Variants in SCARF2 observed in about 807,000 individuals in gnomAD.
SCARF2 encodes scavenger receptor class F member 2.
SCARF2 carries 39 observed loss-of-function variants against 73.4 expected under a neutral mutation model. The ratio of observed to expected loss-of-function variants is 0.53; its 90% CI spans 0.41 to 0.69. The LOEUF is 0.69. Ranked by LOEUF, SCARF2 falls within the 30% of genes least tolerant of loss-of-function variation. The pLI is 0.00. For missense variants in SCARF2, 1,148 were observed against 1,303.5 expected (o/e 0.88, Z 1.84); for synonymous variants, 605 against 590.0 (o/e 1.03, Z -0.37).
Position 20,430,531 on chromosome 22 carries a change from G to A in SCARF2, c.1100C>T (p.Thr367Ile). ...CACGAAGGCGCAGTCCTCGCCGTAA[G>A]TGCCATTGCTACACTTGGTCTCGCA... ...DRCETKCSNG[T>I]YGEDCAFVCA... Residue 367 changes from threonine to isoleucine, a missense_variant, in exon 6 of 11, where the codon ACT becomes ATT. Physicochemically the swap from Thr to Ile is moderately conservative, Grantham distance 89. Around this residue, in one of 5 missense-constraint regions of SCARF2, gnomAD observed 372 missense variants for 532.0 expected, o/e 0.70. Transcript: ENST00000622235. 2 of 1,610,234 alleles carry A rather than the reference G, an allele frequency of 1.2e-6. No individual in the cohort carries two copies. The highest frequency in any genetic ancestry group is 1.7e-6 in the Non-Finnish European group (2 of 1,178,680).
chr22:20,431,764 G>T lies in SCARF2; in HGVS notation c.315C>A (p.Phe105Leu). 1 of 1,569,390 alleles carries T rather than the reference G, an allele frequency of 6.4e-7. No homozygotes were observed. The highest frequency in any genetic ancestry group is 8.6e-7 in the Non-Finnish European group (1 of 1,157,774). The change falls in exon 3 of 11, where the codon TTC (phenylalanine) becomes TTA (leucine). Residue 105 changes from phenylalanine (F) to leucine (L), a missense_variant. Physicochemically the swap from Phe to Leu is conservative, Grantham distance 22. Around this residue, in one of 5 missense-constraint regions of SCARF2, gnomAD observed 372 missense variants for 532.0 expected, o/e 0.70. Transcript: ENST00000622235. ...PGECRCRHGY[F>L]GANCDTKCPR... ...GCTCACTGGTGTCGCAGTTGGCACC[G>T]AAGTAGCCGTGGCGGCAGCGGCACT...
Position 20,431,331 on chromosome 22 carries a change from A to G in SCARF2, c.541T>C (p.Cys181Arg). 1 of 1,505,950 alleles carries G rather than the reference A, an allele frequency of 6.6e-7. No individual in the cohort carries two copies. The highest frequency in any genetic ancestry group is 8.8e-7 in the Non-Finnish European group (1 of 1,135,298). 93.3% of individuals were successfully genotyped at this position (1,505,950 alleles called of 1,614,324 possible). A position where few individuals can be genotyped will look rare whatever the true frequency, so the allele number is the denominator to read the frequency against. The change falls in exon 4 of 11, where the codon TGC becomes CGC. Residue 181 changes from cysteine (C) to arginine (R), a missense_variant. Around this residue, in one of 5 missense-constraint regions of SCARF2, gnomAD observed 372 missense variants for 532.0 expected, o/e 0.70. Transcript: ENST00000622235. ...GCGCTGCAGTAGCACGCGCTGGCGC[A>G]CTGCGCGCCCCACCAGCCGGGCTCA... ...RCEPGWWGAQ[C>R]ASACYCSATS...
In SCARF2 at chr22:20,431,356, A is replaced by G. The variant is rs773641193; in HGVS notation, c.516T>C (p.Cys172=). ...TCHPRSGACR[C]EPGWWGAQCA... ...ACTGCGCGCCCCACCAGCCGGGCTC[A>G]CAGCGGCACGCGCCGCTCCGCGGGT... Residue 172 remains cysteine, a synonymous_variant, in exon 4 of 11, where the codon TGT becomes TGC. Coordinates refer to ENST00000622235, the MANE Select transcript of SCARF2 (RefSeq NM_182895.5). 1.3e-6 allele frequency: 2 copies of G among 1,513,164 alleles called. No individual in the cohort carries two copies. Among genetic ancestry groups the G allele is most frequent in the South Asian group, 2.4e-5 (2 of 81,874 alleles). The allele number at this position is 1,513,164 out of a possible 1,614,324, so 93.7% of individuals were successfully genotyped here.
Position 20,429,881 on chromosome 22 carries a change from G to T in SCARF2, c.1203-48C>A, listed in dbSNP as rs1569108377. ...CATGCCACAGCCGCCCCCCTAGGAT[G>T]CCCCCTACCCTCACCCCTCACCCGC... On this transcript the variant is annotated intron_variant, in intron 6 of 10. Transcript: ENST00000622235. The surrounding 1 kb of genome is among the most constrained non-coding windows in gnomAD (Gnocchi z 5.2). The T allele has an allele frequency of 3.8e-6, 6 of 1,577,876 alleles. No individual in the cohort carries two copies. The South Asian group carries it at 6.7e-5, about 18-fold the overall frequency.
intron 1 of SCARF2, among the ~76,000 whole-genome samples, chr22:20,435,683 C>T (rs1014660517): frequency 2.6e-5 from 4 of 152,174 alleles, no homozygotes; most frequent in Non-Finnish European, 1.5e-5. Context: ...GGCCTGTGCT[C>T]ACTCACCACC....
intron 1 of SCARF2, among the ~76,000 whole-genome samples, chr22:20,437,219 A>C (rs577547763): frequency 5.0e-4 from 76 of 152,300 alleles, no homozygotes; most frequent in Admixed American, 2.2e-3. Flanking sequence ...GCGGGGCTTT[A>C]GCACATGCAG....
intron 1 of SCARF2, 44 bp from the exon 2 acceptor site, chr22:20,432,032 A>G: frequency 6.3e-7 from 1 of 1,575,086 alleles, no homozygotes; most frequent in Non-Finnish European, 8.6e-7. Flanking sequence ...CCCCTCCCCC[A>G]GCCCCCATCT....
chr22:20,434,313 GGA>G (rs372948448), intron 1 of SCARF2, among the ~76,000 whole-genome samples: 4 of 152,042 alleles, frequency 2.6e-5, no homozygotes, highest in East Asian at 1.9e-4. Flanking sequence ...GATAGAGATA[GGA>G]GAGAGAGAGA....
intron 1 of SCARF2, 60 bp from the exon 2 acceptor site, chr22:20,432,048 G>A: frequency 2.6e-6 from 4 of 1,537,592 alleles, no homozygotes; most frequent in South Asian, 1.2e-5. Context: ...CATCTGCTCC[G>A]GGCTCCTCCG....
chr22:20,426,141 G>C lies in SCARF2; in HGVS notation c.1835C>G (p.Ala612Gly), dbSNP rs2052575335. Residue 612 changes from alanine to glycine, a missense_variant, in exon 11 of 11, where the codon GCG (alanine) becomes GGG (glycine). Transcript: ENST00000622235. ...CCCTCCGGGCCCCTCCACGCTGGAC[G>C]CCGACCGCTCGCTGTCGGAGGACGC... is the stretch of plus-strand genomic sequence containing the variant. ...LPASSDSERS[A>G]SSVEGPGGAL... 6.8e-7 allele frequency: 1 copy of C among 1,467,872 alleles called. No homozygotes were observed. The highest frequency in any genetic ancestry group is 1.4e-5 in the African/African-American group (1 of 69,458). The allele number at this position is 1,467,872 out of a possible 1,614,324, so 90.9% of individuals were successfully genotyped here. A position where few individuals can be genotyped will look rare whatever the true frequency, so the allele number is the denominator to read the frequency against.
At chr22:20,426,553 CCCCAACA>C (rs2052580772) in intron 10 of SCARF2, among the ~76,000 whole-genome samples, 2 of 152,248 alleles carry the variant, frequency 1.3e-5, no homozygotes, top group African/African-American at 2.4e-5. Flanking sequence ...GGCAGCCCTG[CCCCAACA>C]CCCCTCCAGC....
intron 9 of SCARF2, among the ~76,000 whole-genome samples, chr22:20,428,214 C>CCCTG (rs2052601086): frequency 9.2e-6 from 1 of 108,458 alleles, no homozygotes; most frequent in East Asian, 8.0e-4. Flanking sequence ...GGTTTCTCCT[C>CCCTG]CCTCCCTCCC....
intron 5 of SCARF2, 47 bp from the exon 6 acceptor site, chr22:20,430,604 C>T (rs1484816636): frequency 6.2e-7 from 1 of 1,610,890 alleles, no homozygotes; most frequent in Admixed American, 1.7e-5. Context: ...GGCAAACGGA[C>T]CACAGCGCCC....
chr22:20,425,979 G>A lies in SCARF2; in HGVS notation c.1997C>T (p.Ser666Phe). 3 of 1,593,276 alleles carry A rather than the reference G, an allele frequency of 1.9e-6. No homozygotes were observed. The highest frequency in any genetic ancestry group is 3.4e-5 in the Admixed American group (2 of 59,140). Reference protein sequence around the residue: ...PPDPATKPKVSWIHGKHSAAA... With the variant: ...PPDPATKPKVFWIHGKHSAAA... Reference sequence around the variant, plus strand: ...GGCGCTGTGCTTGCCGTGGATCCAGGACACCTTAGGCTTGGTGGCGGGGTC... The same window carrying A: ...GGCGCTGTGCTTGCCGTGGATCCAGAACACCTTAGGCTTGGTGGCGGGGTC... Residue 666 changes from serine (S) to phenylalanine (F), a missense_variant, in exon 11 of 11, where the codon TCC becomes TTC. By Grantham distance (155) the Ser-to-Phe change is radical (BLOSUM62 -2). Transcript: ENST00000622235. The surrounding 1 kb of genome is among the most constrained non-coding windows in gnomAD (Gnocchi z 4.6).
In SCARF2 at chr22:20,437,745, C is replaced by A; in HGVS notation, c.10G>T (p.Ala4Ser). The A allele has an allele frequency of 2.6e-6, 3 of 1,150,214 alleles. No individual in the cohort carries two copies. Among genetic ancestry groups the A allele is most frequent in the Non-Finnish European group, 3.2e-6 (3 of 940,244 alleles). The allele number at this position is 1,150,214 out of a possible 1,614,324, so 71.3% of individuals were successfully genotyped here. MEGAGPRGAGPARR... is the reference protein window; with the variant it reads MEGSGPRGAGPARR... The stretch of plus-strand genomic sequence containing the variant: ...GCCGGCCCGGCCCCCCGGGGCCCTG[C>A]GCCCTCCATGAGGCGCGGGGCAGGC... Residue 4 changes from alanine (A) to serine (S), a missense_variant, in exon 1 of 11, where the codon GCA becomes TCA. Ala to Ser is a moderately conservative substitution (Grantham distance 99, BLOSUM62 1). Coordinates refer to ENST00000622235, the MANE Select transcript of SCARF2 (RefSeq NM_182895.5).
chr22:20,432,339 A>G (rs1488129446), intron 1 of SCARF2, among the ~76,000 whole-genome samples: 1 of 152,154 alleles, frequency 6.6e-6, no homozygotes, highest in Non-Finnish European at 1.5e-5. Context: ...GACCTGCCCA[A>G]ATGTGAGGGT....
In SCARF2 at chr22:20,431,128, G is replaced by T; in HGVS notation, c.744C>A (p.Arg248=). Residue 248 remains arginine, a synonymous_variant, in exon 4 of 11, where the codon CGC becomes CGA. Transcript: ENST00000622235. The part of the protein sequence containing the change: ...ARCDRYCQCF[R]GRCHPVDGTC... Reference sequence around the variant, plus strand: ...TGCCGTCCACAGGGTGGCAGCGGCCGCGGAAGCACTGGCAGTAGCGATCGC... The same window carrying T: ...TGCCGTCCACAGGGTGGCAGCGGCCTCGGAAGCACTGGCAGTAGCGATCGC... 1 of 1,564,176 alleles carries T rather than the reference G, an allele frequency of 6.4e-7. No individual in the cohort carries two copies. The highest frequency in any genetic ancestry group is 8.6e-7 in the Non-Finnish European group (1 of 1,163,324).
At chr22:20,426,515 C>A (rs558550103) in intron 10 of SCARF2, among the ~76,000 whole-genome samples, 51 of 152,360 alleles carry the variant, frequency 3.3e-4, no homozygotes, top group African/African-American at 1.2e-3. Context: ...CGCATTCCCG[C>A]GACTGAAGCC....
chr22:20,434,114 G>A (rs1422743800), intron 1 of SCARF2, among the ~76,000 whole-genome samples: 1 of 152,210 alleles, frequency 6.6e-6, no homozygotes, highest in South Asian at 2.1e-4. Context: ...GGGCTCTACT[G>A]TAGAAAGATT....
Sources: allele counts gnomAD v4.1 joint callset (sites outside exome capture counted in the v4.1 genomes callset), GRCh38; gene constraint gnomAD v4.1.1; regional missense constraint gnomAD v4.1.1; non-coding constraint Gnocchi (gnomAD v3.1); transcripts MANE v1.5; gene names NCBI Gene and HGNC (gene_info 2026-07-23, HGNC 2026-07-21).